The following GRXCR1 variants were observed in gnomAD, a reference collection of about 807,000 sequenced individuals.
The protein encoded by GRXCR1 is glutaredoxin domain-containing cysteine-rich protein 1.
A neutral mutation model predicts 27.3 loss-of-function variants in GRXCR1; 27 were observed. The ratio of observed to expected loss-of-function variants is 0.99; its 90% confidence interval spans 0.73 to 1.37. GRXCR1 has a LOEUF of 1.37. Among genes scored for constraint, GRXCR1 ranks in the 40% most tolerant of loss-of-function variants. The probability of loss-of-function intolerance (pLI) is 0.00; values close to 1 mark genes in which losing one functional copy is unlikely to be tolerated. For missense variants in GRXCR1, 379 were observed against 354.4 expected (o/e 1.07, Z -0.56); for synonymous variants, 122 against 131.1 (o/e 0.93, Z 0.47).
At chr4:42,975,189 C>A (rs987349) in intron 2 of GRXCR1, among the ~76,000 whole-genome samples, 1 of 151,804 alleles carries the variant, frequency 6.6e-6, no homozygotes, top group Non-Finnish European at 1.5e-5. Context: ...AGCCAAAAAC[C>A]AAAAACCAAA....
At chr4:42,963,733 G>A (rs1748179598) in intron 2 of GRXCR1, among the ~76,000 whole-genome samples, 1 of 151,930 alleles carries the variant, frequency 6.6e-6, no homozygotes, top group Non-Finnish European at 1.5e-5. Context: ...TATTGTTAGT[G>A]TAGTTAACTC....
Position 42,987,541 on chromosome 4 carries a change from C to T in GRXCR1, c.627+24407C>T, listed in dbSNP as rs1377557477. 2.0e-5 allele frequency among the ~76,000 whole-genome samples: 3 copies of T among 151,740 alleles called. No homozygotes were observed. In the South Asian group the frequency reaches 6.3e-4, roughly 32 times the overall value. ...AAAGTGATTCTCCCACCTTAGCCTC[C>T]CAAAGTGTTAGGATCCACCACCTGG... On this transcript the variant is annotated intron_variant, in intron 2 of 3. Coordinates refer to ENST00000399770, the MANE Select transcript of GRXCR1 (RefSeq NM_001080476.3).
intron 1 of GRXCR1, among the ~76,000 whole-genome samples, chr4:42,960,033 C>T (rs552521896): frequency 1.3e-5 from 2 of 151,946 alleles, no homozygotes; most frequent in South Asian, 2.1e-4. Flanking sequence ...CGTGGCTACC[C>T]GATAGGGGTC....
chr4:43,012,449 A>G (rs1177944486), intron 2 of GRXCR1, among the ~76,000 whole-genome samples: 2 of 152,192 alleles, frequency 1.3e-5, no homozygotes, highest in African/African-American at 4.8e-5. Context: ...TCCAAAGACA[A>G]TGTAAGACTT....
chr4:42,900,577 G>A (rs1237134120), intron 1 of GRXCR1, among the ~76,000 whole-genome samples: 2 of 152,016 alleles, frequency 1.3e-5, no homozygotes, highest in Non-Finnish European at 2.9e-5. Context: ...CTCTGTATAA[G>A]CTTGACTAGC....
intron 1 of GRXCR1, among the ~76,000 whole-genome samples, chr4:42,927,787 T>C (rs1444264242): frequency 6.6e-6 from 1 of 151,776 alleles, no homozygotes; most frequent in Non-Finnish European, 1.5e-5. Context: ...AGTAGGAAAG[T>C]GGGGAGGGAA....
intron 1 of GRXCR1, among the ~76,000 whole-genome samples, chr4:42,915,869 A>G (rs1746873633): frequency 6.6e-6 from 1 of 151,856 alleles, no homozygotes; most frequent in African/African-American, 2.4e-5. Flanking sequence ...TTTTTTTAAG[A>G]TTTTACTCTT....
chr4:42,986,381 A>C (rs1577932847), intron 2 of GRXCR1, among the ~76,000 whole-genome samples: 1 of 152,220 alleles, frequency 6.6e-6, no homozygotes, highest in East Asian at 1.9e-4. Context: ...AACAAGGTTG[A>C]GTGGGCCCAG....
intron 2 of GRXCR1, among the ~76,000 whole-genome samples, chr4:42,972,835 TGACAATG>T: frequency 6.6e-6 from 1 of 152,264 alleles, no homozygotes; most frequent in Admixed American, 6.5e-5. Context: ...TCTAATCAAT[TGACAATG>T]GCCTTCAGTT....
intron 1 of GRXCR1, among the ~76,000 whole-genome samples, chr4:42,929,141 CTT>C (rs1747240443): frequency 6.6e-6 from 1 of 152,010 alleles, no homozygotes; most frequent in Non-Finnish European, 1.5e-5. Flanking sequence ...TCAGCACTCT[CTT>C]ATTATATTGT....
intron 2 of GRXCR1, among the ~76,000 whole-genome samples, chr4:43,000,721 C>A (rs1425961943): frequency 2.6e-5 from 4 of 151,848 alleles, no homozygotes; most frequent in African/African-American, 9.7e-5. Context: ...TCCGTACCAT[C>A]TTTGGTTTCA....
At chr4:42,950,392 T>C (rs1308986290) in intron 1 of GRXCR1, among the ~76,000 whole-genome samples, 2 of 152,198 alleles carry the variant, frequency 1.3e-5, no homozygotes, top group African/African-American at 2.4e-5. Flanking sequence ...TGTAAGCTCA[T>C]AATTTTGAGA....
chr4:42,942,937 A>G (rs1280901195), intron 1 of GRXCR1, among the ~76,000 whole-genome samples: 1 of 152,116 alleles, frequency 6.6e-6, no homozygotes, highest in African/African-American at 2.4e-5. Flanking sequence ...CCATTAATAA[A>G]TGACACAGGA....
chr4:42,970,878 C>CA (rs1189390790), intron 2 of GRXCR1, among the ~76,000 whole-genome samples: 2 of 152,124 alleles, frequency 1.3e-5, no homozygotes, highest in Admixed American at 1.3e-4. Context: ...GCAATTTTTC[C>CA]AAATTGTTAT....
At chr4:42,947,674 T>C (rs1487222398) in intron 1 of GRXCR1, among the ~76,000 whole-genome samples, 1 of 152,182 alleles carries the variant, frequency 6.6e-6, no homozygotes, top group Non-Finnish European at 1.5e-5. Context: ...TGAGGAGCTG[T>C]GGTGACAAAC....
chr4:42,963,177 C>A, intron 2 of GRXCR1, 43 bp downstream of exon 2: 4 of 1,602,234 alleles, frequency 2.5e-6, no homozygotes, highest in Non-Finnish European at 3.4e-6. Context: ...AGAACCCAAC[C>A]AGGGCTGATA....
At chr4:42,911,835 A>T (rs2109745277) in intron 1 of GRXCR1, among the ~76,000 whole-genome samples, 1 of 152,272 alleles carries the variant, frequency 6.6e-6, no homozygotes, top group East Asian at 1.9e-4. Context: ...GGCATATAAC[A>T]CTTCTGTTAC....
intron 1 of GRXCR1, among the ~76,000 whole-genome samples, chr4:42,933,498 C>T (rs1747379358): frequency 6.6e-6 from 1 of 151,944 alleles, no homozygotes; most frequent in Admixed American, 6.6e-5. Context: ...GATGTTTGCC[C>T]TTTTCCCTCT....
chr4:43,006,952 A>G (rs1712580055), intron 2 of GRXCR1, among the ~76,000 whole-genome samples: 1 of 152,178 alleles, frequency 6.6e-6, no homozygotes, highest in Non-Finnish European at 1.5e-5. Context: ...AGGAAAATAG[A>G]AAAGAACCTA....
Sources: gnomAD v4.1 joint callset for allele counts (sites outside exome capture counted in the v4.1 genomes callset) on GRCh38, gnomAD v4.1.1 for gene constraint, MANE v1.5 for transcripts, NCBI Gene and HGNC (gene_info 2026-07-23, HGNC 2026-07-21) for gene names.